PLCH2: variants seen among roughly 807,000 people sequenced by gnomAD.
PLCH2 encodes phospholipase C eta 2, also known as 1-phosphatidylinositol 4,5-bisphosphate phosphodiesterase eta-2.
In PLCH2, 98 loss-of-function variants were observed where a neutral mutation model predicts 134.7. The observed-to-expected ratio is 0.73, with a 90% CI of 0.62 to 0.86. PLCH2 has a LOEUF of 0.86. Ranked by LOEUF, PLCH2 falls within the 40% of genes least tolerant of loss-of-function variation. PLCH2 has a pLI of 0.00. For synonymous variants in PLCH2, 974 were observed against 827.5 expected (o/e 1.18, Z -3.04); for missense variants, 1,994 against 1,986.6 (o/e 1.00, Z -0.07).
At chr1:2,467,401 G>A (rs1385680785), upstream of PLCH2, 1 of 386,888 alleles carries the variant, frequency 2.6e-6, no homozygotes, top group Admixed American at 4.5e-5. Context: ...GCTCCCACGG[G>A]AGGGGCGGTC....
upstream of PLCH2, among the ~76,000 whole-genome samples, chr1:2,467,288 C>G (rs1641101031): frequency 2.0e-5 from 3 of 152,152 alleles, no homozygotes; most frequent in Non-Finnish European, 4.4e-5. Context: ...CTCAGCGGAG[C>G]CAGCTCAGCT....
rs1401623728 is a variant in PLCH2, at chr1:2,478,519, G to T, written c.168G>T (p.Val56=). ...CCATGCAAGAGGGGATGCAGATGGT[G>T]AAGCTGCGTGGCGGCTCCAAGGGCC... ...MGAMQEGMQM[V]KLRGGSKGLV... The change falls in exon 2 of 22, where the codon GTG becomes GTT. Residue 56 remains valine (V), a synonymous_variant. Coordinates refer to ENST00000378486, the MANE Select transcript of PLCH2 (RefSeq NM_014638.4). 1 of 1,612,876 alleles carries T rather than the reference G, an allele frequency of 6.2e-7. No homozygotes were observed. The highest frequency in any genetic ancestry group is 1.3e-5 in the African/African-American group (1 of 75,058).
intron 2 of PLCH2, among the ~76,000 whole-genome samples, chr1:2,453,038 G>A (rs1158043432): frequency 6.6e-6 from 1 of 151,604 alleles, no homozygotes; most frequent in Non-Finnish European, 1.5e-5. Flanking sequence ...GCCCTTCCCC[G>A]TGGATCCATT....
chr1:2,433,844 C>T (rs1557939559), intron 2 of PLCH2, among the ~76,000 whole-genome samples: 1 of 152,248 alleles, frequency 6.6e-6, no homozygotes, highest in Non-Finnish European at 1.5e-5. Flanking sequence ...CCCCTCAGAG[C>T]CATCGACTCC....
At chr1:2,474,985 T>A (rs1012379256), upstream of PLCH2, among the ~76,000 whole-genome samples, 1 of 152,308 alleles carries the variant, frequency 6.6e-6, no homozygotes, top group Non-Finnish European at 1.5e-5. Flanking sequence ...CATGGCTCCC[T>A]AATCTAATTC....
intron 1 of PLCH2, 22 bp downstream of exon 1, chr1:2,476,734 G>A (rs897724109): frequency 6.3e-6 from 10 of 1,588,312 alleles, no homozygotes; most frequent in Non-Finnish European, 8.5e-6. Flanking sequence ...CAGGCGAGTG[G>A]CCTGGGCTGA....
intron 13 of PLCH2, among the ~76,000 whole-genome samples, chr1:2,495,873 A>G (rs1367186243): frequency 6.6e-6 from 1 of 152,052 alleles, no homozygotes; most frequent in Non-Finnish European, 1.5e-5. Context: ...CCCCAGCCTC[A>G]TGCCCTCCCC....
intron 1 of PLCH2, 74 bp from the exon 2 acceptor site, chr1:2,478,402 T>C (rs1341603931): frequency 3.2e-6 from 5 of 1,562,016 alleles, no homozygotes; most frequent in East Asian, 2.3e-5. Context: ...TGGCCGTGCC[T>C]CCGCTGACGG....
At chr1:2,503,632 G>C (rs991800131) in intron 21 of PLCH2, 1 of 696,892 alleles carries the variant, frequency 1.4e-6, no homozygotes, top group South Asian at 1.5e-5. Flanking sequence ...AACTGAGAGC[G>C]GCGAGTGACA....
chr1:2,462,295 A>AC (rs1314360440), intron 2 of PLCH2, among the ~76,000 whole-genome samples: 1 of 54,362 alleles, frequency 1.8e-5, no homozygotes, highest in Non-Finnish European at 3.5e-5. Flanking sequence ...TCCACCTGAC[A>AC]CCCCTCTGCC....
At chr1:2,495,403 A>G in intron 12 of PLCH2, 85 bp from the exon 13 acceptor site, 1 of 1,162,288 alleles carries the variant, frequency 8.6e-7, no homozygotes, top group Non-Finnish European at 1.2e-6. Context: ...ACCCCGGAGG[A>G]TAGGCCCTCC....
At chr1:2,457,555 A>T (rs1045817075) in intron 2 of PLCH2, among the ~76,000 whole-genome samples, 2 of 151,980 alleles carry the variant, frequency 1.3e-5, no homozygotes, top group African/African-American at 4.8e-5. Context: ...GTGTTGCGGG[A>T]CGGGGCCGCA....
In PLCH2 at chr1:2,439,454, C is replaced by A. The variant is rs1639588621; in HGVS notation, c.115+8825C>A. Among the ~76,000 whole-genome samples the A allele has an allele frequency of 6.6e-6, 1 of 152,214 alleles. No individual in the cohort carries two copies. The highest frequency in any genetic ancestry group is 2.4e-5 in the African/African-American group (1 of 41,456). On this transcript the variant is annotated intron_variant, in intron 2 of 3. Coordinates refer to the PLCH2 transcript ENST00000609981. The surrounding 1 kb of genome is among the most constrained non-coding windows in gnomAD (Gnocchi z 4.7). ...TGATCCCATCCCACCCGTTCGTTGT[C>A]TTGAGTTCTGATTGAGAACGGGACG...
At position 2,451,825 on chromosome 1, in the gene PLCH2, C is replaced by T. The variant is rs553093246; in HGVS notation, c.115+21196C>T. ...CCTGCCCCCACTGCGTCTGGGCTGCCGGGGGGGCGGTGGGTGGTGGTGGGG... is the reference window on the plus strand; with the variant it reads ...CCTGCCCCCACTGCGTCTGGGCTGCTGGGGGGGCGGTGGGTGGTGGTGGGG... On this transcript the variant is annotated intron_variant, in intron 2 of 3. Transcript: ENST00000609981. Among the ~76,000 whole-genome samples the T allele has an allele frequency of 4.9e-3, 734 of 149,658 alleles. 6 individuals are homozygous for T. Among genetic ancestry groups the T allele is most frequent in the African/African-American group, 0.016 (646 of 40,968 alleles).
chr1:2,473,087 A>G (rs1641413729), upstream of PLCH2, among the ~76,000 whole-genome samples: 1 of 152,098 alleles, frequency 6.6e-6, no homozygotes, highest in Admixed American at 6.5e-5. Context: ...CCGCCATAAA[A>G]ACAAAATTAA....
the PLCH2 span, among the ~76,000 whole-genome samples, chr1:2,420,660 G>A: frequency 1.3e-5 from 2 of 152,172 alleles, no homozygotes; most frequent in Admixed American, 6.5e-5. Context: ...TTAAGGGCAG[G>A]CTTCAAGCTG....
chr1:2,436,549 T>TCCC, intron 2 of PLCH2, among the ~76,000 whole-genome samples: 1 of 87,088 alleles, frequency 1.1e-5, no homozygotes, highest in South Asian at 4.4e-4. Flanking sequence ...CCCTCCTCCC[T>TCCC]TCCTCCCTCC....
chr1:2,417,229 C>T, the PLCH2 span, among the ~76,000 whole-genome samples: 1 of 152,106 alleles, frequency 6.6e-6, no homozygotes. Flanking sequence ...CTGGGGTGAA[C>T]CGGCTGATAA....
chr1:2,497,982 G>A (rs903801237), intron 16 of PLCH2: 14 of 272,010 alleles, frequency 5.1e-5, no homozygotes, highest in African/African-American at 1.7e-4. Context: ...GTGTTTGGAG[G>A]AACCTCCTCC....
Sources: allele counts gnomAD v4.1 joint callset (sites outside exome capture counted in the v4.1 genomes callset), GRCh38; gene constraint gnomAD v4.1.1; non-coding constraint Gnocchi (gnomAD v3.1); transcripts MANE v1.5; gene names NCBI Gene and HGNC (gene_info 2026-07-23, HGNC 2026-07-21).